Variants in IL1RAP observed in about 807,000 individuals in gnomAD.
IL1RAP encodes the protein interleukin 1 receptor accessory protein, also known as interleukin-1 receptor accessory protein.
In IL1RAP, 35 loss-of-function variants were observed where a neutral mutation model predicts 60.7. That is an observed-to-expected ratio of 0.58 (90% CI 0.44 to 0.76). The LOEUF (loss-of-function observed/expected upper bound fraction) is 0.76, where lower values mean the gene tolerates loss of function less well. Among genes scored for constraint, IL1RAP ranks in the 30% least tolerant of loss-of-function variants. IL1RAP has a pLI of 0.00. For synonymous variants in IL1RAP, 268 were observed against 250.9 expected (o/e 1.07, Z -0.64); for missense variants, 572 against 693.9 (o/e 0.82, Z 1.97).
At chr3:190,559,070 G>A (rs1229904230) in intron 2 of IL1RAP, among the ~76,000 whole-genome samples, 2 of 152,114 alleles carry the variant, frequency 1.3e-5, no homozygotes, top group Non-Finnish European at 2.9e-5. Context: ...TCCTTTAATA[G>A]TTATTGGACT....
At chr3:190,617,114 A>C (rs1345630801) in intron 5 of IL1RAP, among the ~76,000 whole-genome samples, 4 of 152,010 alleles carry the variant, frequency 2.6e-5, no homozygotes, top group Non-Finnish European at 4.4e-5. Context: ...AACCAGCCCA[A>C]ATCTTTCTTC....
intron 3 of IL1RAP, among the ~76,000 whole-genome samples, chr3:190,570,288 A>G (rs1468474164): frequency 6.6e-6 from 1 of 152,204 alleles, no homozygotes; most frequent in Admixed American, 6.5e-5. Context: ...TGCGTGTTTT[A>G]GAGATAGTGG....
At chr3:190,519,359 C>T (rs1456801534) in intron 1 of IL1RAP, among the ~76,000 whole-genome samples, 2 of 152,134 alleles carry the variant, frequency 1.3e-5, no homozygotes, top group Admixed American at 6.6e-5. Context: ...GGCACATGTA[C>T]TTTTGTCATT....
chr3:190,654,773 C>A (rs1403872387), downstream of IL1RAP, among the ~76,000 whole-genome samples: 2 of 152,190 alleles, frequency 1.3e-5, no homozygotes, highest in Admixed American at 6.5e-5. Context: ...GTGACTCTGG[C>A]ACATGTTTTC....
chr3:190,545,580 A>G (rs1163739367), intron 1 of IL1RAP, among the ~76,000 whole-genome samples: 2 of 152,220 alleles, frequency 1.3e-5, no homozygotes, highest in East Asian at 1.9e-4. Context: ...AGATTCCAGT[A>G]GAAAATAGTG....
chr3:190,554,385 C>G (rs973887988), intron 1 of IL1RAP, among the ~76,000 whole-genome samples: 12 of 152,184 alleles, frequency 7.9e-5, no homozygotes, highest in African/African-American at 2.7e-4. Flanking sequence ...GCTCCTCCCC[C>G]CTGCAAATGG....
chr3:190,625,666 A>G (rs1489279346), intron 7 of IL1RAP, among the ~76,000 whole-genome samples: 5 of 152,204 alleles, frequency 3.3e-5, no homozygotes, highest in African/African-American at 1.2e-4. Flanking sequence ...AAAAGATAAT[A>G]GTGATCAACA....
At chr3:190,539,084 TCTCAC>T (rs916252784) in intron 1 of IL1RAP, among the ~76,000 whole-genome samples, 72 of 152,248 alleles carry the variant, frequency 4.7e-4, no homozygotes, top group African/African-American at 1.7e-3. Flanking sequence ...TCTTTCCTCC[TCTCAC>T]CTCTTTGAGA....
downstream of IL1RAP, chr3:190,656,100 G>A (rs774791712): frequency 3.3e-6 from 5 of 1,537,292 alleles, no homozygotes; most frequent in South Asian, 5.9e-5. Flanking sequence ...AAGAGTCTGT[G>A]TCTTTTGTGA....
In IL1RAP at chr3:190,585,628, A is replaced by G. The variant is rs186595796; in HGVS notation, c.65-18500A>G. On this transcript the variant is annotated intron_variant, in intron 3 of 11. Coordinates refer to ENST00000447382, the MANE Select transcript of IL1RAP (RefSeq NM_002182.4). ...GGAGTTTGAGACCAGCCTGGGCAAC[A>G]GGGTGAAACCCTGTCTCTACTAAAA... Among the ~76,000 whole-genome samples the G allele has an allele frequency of 1.5e-3, 223 of 152,196 alleles. 1 individual carries two copies. Among genetic ancestry groups the G allele is most frequent in the African/African-American group, 4.8e-3 (198 of 41,532 alleles).
chr3:190,562,902 C>G (rs746016353), intron 2 of IL1RAP, among the ~76,000 whole-genome samples: 1 of 152,108 alleles, frequency 6.6e-6, no homozygotes, highest in Non-Finnish European at 1.5e-5. Context: ...AAGAAAACAT[C>G]ATTTAATTTA....
At chr3:190,592,185 A>T (rs1729004241) in intron 3 of IL1RAP, among the ~76,000 whole-genome samples, 1 of 152,082 alleles carries the variant, frequency 6.6e-6, no homozygotes, top group Non-Finnish European at 1.5e-5. Flanking sequence ...ACACCCAGCT[A>T]ATGTTTCTAT....
In IL1RAP at chr3:190,634,707, G is replaced by GTTTTTT. The variant is rs1167445179; in HGVS notation, c.1051+5215_1051+5220dup. Among the ~76,000 whole-genome samples, 310 of 134,590 alleles carry GTTTTTT rather than the reference G, an allele frequency of 2.3e-3. 18 individuals are homozygous for GTTTTTT. The highest frequency in any genetic ancestry group is 8.3e-3 in the Middle Eastern group (2 of 240). 88.3% of individuals were successfully genotyped at this position (134,590 alleles called of 152,430 possible). A position where few individuals can be genotyped will look rare whatever the true frequency, so the allele number is the denominator to read the frequency against. ...TCATATAACTATCTGGGCCTGTTGT[G>GTTTTTT]TTTTTTTTTTTGTTGTTGTTTTTTT... On this transcript the variant is annotated intron_variant, in intron 9 of 11. Transcript: ENST00000447382.
intron 5 of IL1RAP, among the ~76,000 whole-genome samples, chr3:190,619,925 G>GC (rs950473060): frequency 1.3e-5 from 2 of 152,046 alleles, no homozygotes; most frequent in African/African-American, 4.8e-5. Context: ...TTTCTAAATA[G>GC]CAGGTCTTGC....
At chr3:190,570,848 C>T (rs1451872089) in intron 3 of IL1RAP, among the ~76,000 whole-genome samples, 1 of 152,084 alleles carries the variant, frequency 6.6e-6, no homozygotes, top group Non-Finnish European at 1.5e-5. Context: ...TGGCAGGCTA[C>T]TTTCATATTT....
chr3:190,626,664 CTTTTTTTTT>C (rs766018376), intron 7 of IL1RAP, among the ~76,000 whole-genome samples: 1 of 99,992 alleles, frequency 1.0e-5, no homozygotes, highest in African/African-American at 4.3e-5. Context: ...TGTCAGAGAC[CTTTTTTTTT>C]TTTTTTTTTT....
chr3:190,564,321 A>T lies in IL1RAP; in HGVS notation c.32A>T (p.Tyr11Phe). Residue 11 changes from tyrosine (Y) to phenylalanine (F), a missense_variant, in exon 3 of 12, where the codon TAC becomes TTC. Tyr to Phe is a conservative substitution (Grantham distance 22, BLOSUM62 3). Coordinates refer to ENST00000447382, the MANE Select transcript of IL1RAP (RefSeq NM_002182.4). Reference sequence around the variant, plus strand: ...CTTCTGTGGTGTGTAGTGAGTCTCTACTTTTATGGAATCCTGCAAAGTGAT... The same window carrying T: ...CTTCTGTGGTGTGTAGTGAGTCTCTTCTTTTATGGAATCCTGCAAAGTGAT... MTLLWCVVSLYFYGILQSDAS... is the reference protein window; with the variant it reads MTLLWCVVSLFFYGILQSDAS... The T allele has an allele frequency of 2.0e-5, 33 of 1,612,300 alleles. No homozygotes were observed. The highest frequency in any genetic ancestry group is 2.8e-5 in the Non-Finnish European group (33 of 1,178,510).
chr3:190,538,218 G>A (rs1723632994), intron 1 of IL1RAP, among the ~76,000 whole-genome samples: 2 of 152,138 alleles, frequency 1.3e-5, no homozygotes, highest in Admixed American at 1.3e-4. Context: ...CTCAATGTAT[G>A]GTCTAAGGAG....
intron 3 of IL1RAP, among the ~76,000 whole-genome samples, chr3:190,600,778 T>A (rs909078356): frequency 1.3e-5 from 2 of 152,158 alleles, no homozygotes; most frequent in African/African-American, 4.8e-5. Context: ...CACTAATGAC[T>A]CTTTATCTTG....
Sources: gnomAD v4.1 joint callset for allele counts (sites outside exome capture counted in the v4.1 genomes callset) on GRCh38, gnomAD v4.1.1 for gene constraint, MANE v1.5 for transcripts, NCBI Gene and HGNC (gene_info 2026-07-23, HGNC 2026-07-21) for gene names.